SLC41A2: variants seen among roughly 807,000 people sequenced by gnomAD.
SLC41A2 encodes solute carrier family 41 member 2, also known as SLC41A1-like 1.
A neutral mutation model predicts 58.3 loss-of-function variants in SLC41A2; 32 were observed. The ratio of observed to expected loss-of-function variants is 0.55; its 90% CI spans 0.41 to 0.74. SLC41A2 has a LOEUF of 0.74. SLC41A2 is among the 30% of genes least tolerant of loss of function. The pLI is 0.00. For synonymous variants in SLC41A2, 190 were observed against 235.0 expected (o/e 0.81, Z 1.75); for missense variants, 514 against 680.6 (o/e 0.76, Z 2.72).
chr12:104,950,456 C>G (rs1025724938), intron 1 of SLC41A2, among the ~76,000 whole-genome samples: 1 of 152,192 alleles, frequency 6.6e-6, no homozygotes, highest in Non-Finnish European at 1.5e-5. Context: ...CTGTAAGTTT[C>G]CTGAGGCCTC....
intron 8 of SLC41A2, among the ~76,000 whole-genome samples, chr12:104,847,694 T>C (rs2042657056): frequency 6.6e-6 from 1 of 152,144 alleles, no homozygotes; most frequent in African/African-American, 2.4e-5. Context: ...AGTCTGTTTT[T>C]ATACACAGAA....
At chr12:104,888,893 CTAAGGCATTT>C (rs1274226832) in intron 5 of SLC41A2, 130 bp downstream of exon 5, 1 of 872,432 alleles carries the variant, frequency 1.1e-6, no homozygotes, top group Non-Finnish European at 1.7e-6. Flanking sequence ...TCTGGAATAA[CTAAGGCATTT>C]TTTAAGTTTG....
chr12:104,816,706 T>TG (rs1185713573), intron 10 of SLC41A2, among the ~76,000 whole-genome samples: 10 of 152,154 alleles, frequency 6.6e-5, no homozygotes, highest in Non-Finnish European at 1.2e-4. Context: ...ACTAACATGG[T>TG]GGGAAAAAAG....
chr12:104,865,076 G>A (rs538796464), intron 7 of SLC41A2, among the ~76,000 whole-genome samples: 73 of 152,260 alleles, frequency 4.8e-4, no homozygotes, highest in African/African-American at 1.2e-3. Context: ...AATCAGGTGG[G>A]TTTGTAGCTC....
At chr12:104,906,092 GT>G (rs1194532458) in intron 3 of SLC41A2, among the ~76,000 whole-genome samples, 1 of 152,178 alleles carries the variant, frequency 6.6e-6, no homozygotes, top group Non-Finnish European at 1.5e-5. Context: ...CTACATAAAA[GT>G]TTTTTTGTTT....
intron 6 of SLC41A2, among the ~76,000 whole-genome samples, chr12:104,870,351 A>C (rs1463017165): frequency 6.6e-6 from 1 of 152,204 alleles, no homozygotes; most frequent in East Asian, 1.9e-4. Context: ...CCTTGATTTT[A>C]TTCCTATATA....
intron 5 of SLC41A2, among the ~76,000 whole-genome samples, chr12:104,887,815 A>G (rs2044748233): frequency 6.6e-6 from 1 of 151,996 alleles, no homozygotes; most frequent in South Asian, 2.1e-4. Context: ...AAGTCACCTT[A>G]CCTAAGTTTT....
At chr12:104,815,071 C>T (rs1370302224) in intron 10 of SLC41A2, among the ~76,000 whole-genome samples, 1 of 152,054 alleles carries the variant, frequency 6.6e-6, no homozygotes, top group Non-Finnish European at 1.5e-5. Flanking sequence ...GTTTTCTTCC[C>T]GTGCAATTTA....
chr12:104,858,401 C>T (rs544963901), intron 8 of SLC41A2, among the ~76,000 whole-genome samples: 1 of 152,160 alleles, frequency 6.6e-6, no homozygotes, highest in Admixed American at 6.6e-5. Context: ...AGACAATCTA[C>T]TGATCTTATT....
chr12:104,942,162 A>G (rs796386904), intron 1 of SLC41A2, among the ~76,000 whole-genome samples: 6 of 152,284 alleles, frequency 3.9e-5, no homozygotes, highest in African/African-American at 1.4e-4. Context: ...AAAAACCACC[A>G]AACACTTAAT....
At chr12:104,805,434 G>A (rs1210638175) in intron 10 of SLC41A2, 97 bp from the exon 11 acceptor site, 36 of 906,718 alleles carry the variant, frequency 4.0e-5, no homozygotes, top group Middle Eastern at 3.0e-4. Context: ...GGAAGGGACC[G>A]TATGTGTCTA....
intron 6 of SLC41A2, among the ~76,000 whole-genome samples, chr12:104,881,890 G>C (rs1325185796): frequency 6.6e-6 from 1 of 152,264 alleles, no homozygotes; most frequent in Admixed American, 6.5e-5. Context: ...CTGTCTCGTT[G>C]ATCTGTCTAA....
chr12:104,845,069 A>T (rs1028590997), intron 9 of SLC41A2, among the ~76,000 whole-genome samples: 7 of 152,122 alleles, frequency 4.6e-5, no homozygotes, highest in African/African-American at 1.7e-4. Context: ...GGACTGCTTG[A>T]GGCCAGGAGT....
chr12:104,873,806 G>A (rs750602904), intron 6 of SLC41A2, among the ~76,000 whole-genome samples: 1 of 151,888 alleles, frequency 6.6e-6, no homozygotes, highest in African/African-American at 2.4e-5. Flanking sequence ...TCATATACTT[G>A]TTCGTCATTT....
At position 104,889,178 on chromosome 12, in the gene SLC41A2, C is replaced by A; in HGVS notation, c.736-1G>T. 6.3e-7 allele frequency: 1 copy of A among 1,599,366 alleles called. No individual in the cohort carries two copies. The highest frequency in any genetic ancestry group is 8.5e-7 in the Non-Finnish European group (1 of 1,176,342). On this transcript the variant is annotated splice_acceptor_variant, in intron 4 of 10. Transcript: ENST00000258538. LOFTEE classifies it high-confidence loss of function. ...GAAAACCCACTACTGTTGCCTGAAC[C>A]TAAAATTTTTTTCATAAATCCAACT... is the stretch of plus-strand genomic sequence containing the variant.
intron 8 of SLC41A2, among the ~76,000 whole-genome samples, chr12:104,850,343 C>A (rs1352818078): frequency 6.6e-6 from 1 of 152,132 alleles, no homozygotes; most frequent in Non-Finnish European, 1.5e-5. Context: ...AAAAACCCAG[C>A]CCTAGCAGCC....
chr12:104,943,071 G>C (rs562168898), intron 1 of SLC41A2, among the ~76,000 whole-genome samples: 37 of 152,014 alleles, frequency 2.4e-4, no homozygotes, highest in Non-Finnish European at 4.3e-4. Flanking sequence ...ATACACACTT[G>C]ACTTTGTATA....
At chr12:104,940,694 G>A (rs2047476956) in intron 1 of SLC41A2, among the ~76,000 whole-genome samples, 1 of 151,498 alleles carries the variant, frequency 6.6e-6, no homozygotes, top group Admixed American at 6.6e-5. Flanking sequence ...AAGGCAGGTG[G>A]ATCACCTGAG....
chr12:104,917,676 G>T (rs2046388563), intron 2 of SLC41A2, among the ~76,000 whole-genome samples: 1 of 151,482 alleles, frequency 6.6e-6, no homozygotes, highest in South Asian at 2.1e-4. Context: ...TCCTTTGTAG[G>T]GACATGGATG....
Sources: gnomAD v4.1 joint callset for allele counts (sites outside exome capture counted in the v4.1 genomes callset) on GRCh38, gnomAD v4.1.1 for gene constraint, MANE v1.5 for transcripts, NCBI Gene and HGNC (gene_info 2026-07-23, HGNC 2026-07-21) for gene names.